Variants in KDM4C observed in about 807,000 individuals in gnomAD.
KDM4C encodes lysine demethylase 4C, also known as lysine-specific demethylase 4C.
Under a neutral mutation model 129.3 loss-of-function variants are expected in KDM4C, and 81 were observed. The ratio of observed to expected loss-of-function variants is 0.63; its 90% CI spans 0.52 to 0.75. The LOEUF (loss-of-function observed/expected upper bound fraction) is 0.75, where lower values mean the gene tolerates loss of function less well. Ranked by LOEUF, KDM4C falls within the 30% of genes least tolerant of loss-of-function variation. The pLI is 0.00. For synonymous variants in KDM4C, 573 were observed against 456.1 expected (o/e 1.26, Z -3.26); for missense variants, 1,457 against 1,304.0 (o/e 1.12, Z -1.81).
rs369094212 is a variant in KDM4C at position 6,826,474 on chromosome 9, T to C, written c.435+11729T>C. Among the ~76,000 whole-genome samples the C allele has an allele frequency of 3.3e-5, 5 of 152,168 alleles. No individual in the cohort carries two copies. The East Asian group carries it at 7.7e-4, about 23-fold the overall frequency. On this transcript the variant is annotated intron_variant, in intron 4 of 21. Transcript: ENST00000381309. ...TCCATAATTGCATATAAAAAAAATT[T>C]TTGTGGTACAATGAACATAGTTTTA... is the stretch of plus-strand genomic sequence containing the variant.
At chr9:6,799,871 A>C (rs1273423584) in intron 2 of KDM4C, among the ~76,000 whole-genome samples, 1 of 151,998 alleles carries the variant, frequency 6.6e-6, no homozygotes, top group Non-Finnish European at 1.5e-5. Context: ...ATTCATATTC[A>C]TATGAATGTA....
intron 1 of KDM4C, among the ~76,000 whole-genome samples, chr9:6,767,956 A>G (rs934019680): frequency 3.3e-5 from 5 of 152,018 alleles, no homozygotes; most frequent in African/African-American, 1.2e-4. Context: ...ATACACACAT[A>G]ATATTTCTTT....
At chr9:6,780,248 G>C (rs1407389384) in intron 1 of KDM4C, among the ~76,000 whole-genome samples, 1 of 151,314 alleles carries the variant, frequency 6.6e-6, no homozygotes, top group Non-Finnish European at 1.5e-5. Context: ...GATTAGCTGT[G>C]AATACAGCGG....
chr9:6,743,361 G>A (rs552954036), intron 1 of KDM4C, among the ~76,000 whole-genome samples: 1 of 152,264 alleles, frequency 6.6e-6, no homozygotes, highest in East Asian at 1.9e-4. Context: ...CACACGGGAG[G>A]TATGAGGCAC....
At chr9:6,879,588 G>A (rs1844125798) in intron 5 of KDM4C, among the ~76,000 whole-genome samples, 1 of 152,104 alleles carries the variant, frequency 6.6e-6, no homozygotes, top group African/African-American at 2.4e-5. Flanking sequence ...TAGAAAGAGA[G>A]CAACCCAGAT....
At chr9:6,862,050 G>C (rs1841033254) in intron 5 of KDM4C, among the ~76,000 whole-genome samples, 1 of 152,130 alleles carries the variant, frequency 6.6e-6, no homozygotes, top group Admixed American at 6.6e-5. Context: ...GGGATTACAG[G>C]TGTGAGCCAA....
chr9:7,037,744 T>C (rs1827895554), intron 15 of KDM4C, among the ~76,000 whole-genome samples: 1 of 152,076 alleles, frequency 6.6e-6, no homozygotes. Flanking sequence ...AGGAAAAAAA[T>C]ATACAGCAGA....
chr9:6,817,879 G>T (rs1588478435), intron 4 of KDM4C, among the ~76,000 whole-genome samples: 1 of 146,648 alleles, frequency 6.8e-6, no homozygotes, highest in South Asian at 2.1e-4. Context: ...CTATTCTCCT[G>T]CCACAGCCTC....
intron 4 of KDM4C, among the ~76,000 whole-genome samples, chr9:6,821,484 T>G (rs1041196654): frequency 5.3e-5 from 8 of 152,106 alleles, no homozygotes; most frequent in Non-Finnish European, 1.2e-4. Context: ...ATGATGAGCA[T>G]TTTTTCTTGT....
chr9:7,147,163 T>C (rs1644429853), intron 19 of KDM4C, among the ~76,000 whole-genome samples: 5 of 152,186 alleles, frequency 3.3e-5, no homozygotes, highest in Admixed American at 3.3e-4. Flanking sequence ...AACCAGGACA[T>C]AAGGTGGTTG....
rs145474043 is a variant in KDM4C at position 6,778,796 on chromosome 9, C to G, written c.-17-14176C>G. ...TGTTACATTTGTGAGATTCGTCTAT[C>G]TAGGTGGAGATTTGGTGCCTTTTTT... On this transcript the variant is annotated intron_variant, in intron 1 of 21. Transcript: ENST00000381309. Among the ~76,000 whole-genome samples, 482 of 144,116 alleles carry G rather than the reference C, an allele frequency of 3.3e-3. 5 individuals carry two copies. Among genetic ancestry groups the G allele is most frequent in the African/African-American group, 0.012 (469 of 38,374 alleles). 94.5% of individuals were successfully genotyped at this position (144,116 alleles called of 152,430 possible).
At chr9:7,113,325 GCACA>G (rs1316113243) in intron 18 of KDM4C, among the ~76,000 whole-genome samples, 7 of 152,176 alleles carry the variant, frequency 4.6e-5, no homozygotes, top group Non-Finnish European at 7.3e-5. Context: ...GGAATATTTA[GCACA>G]GACCTTTTAG....
intron 21 of KDM4C, chr9:7,170,743 T>C: frequency 2.0e-6 from 2 of 982,670 alleles, no homozygotes; most frequent in Non-Finnish European, 2.4e-6. Context: ...TGAGTGCTTA[T>C]GATATACTTG....
At position 6,990,544 on chromosome 9, in the gene KDM4C, T is replaced by A. The variant is rs768180723; in HGVS notation, c.1786+20T>A. On this transcript the variant is annotated intron_variant, in intron 12 of 21. Coordinates refer to ENST00000381309, the MANE Select transcript of KDM4C (RefSeq NM_015061.6). ...ATGAAGGTGAGATGGTGACCCTTTT[T>A]GGGATTTTTTTTTTTTTTTTTGGTG... The A allele has an allele frequency of 7.0e-7, 1 of 1,435,042 alleles. No homozygotes were observed. The highest frequency in any genetic ancestry group is 9.2e-7 in the Non-Finnish European group (1 of 1,088,478). The allele number at this position is 1,435,042 out of a possible 1,614,324, so 88.9% of individuals were successfully genotyped here.
chr9:7,076,440 C>T (rs913675735), intron 17 of KDM4C: 4 of 1,549,300 alleles, frequency 2.6e-6, no homozygotes, highest in East Asian at 2.4e-5. Context: ...TCAGGGAAGG[C>T]TGGGAATCTA....
At chr9:6,904,374 C>T (rs1461006787) in intron 8 of KDM4C, among the ~76,000 whole-genome samples, 1 of 151,412 alleles carries the variant, frequency 6.6e-6, no homozygotes, top group Non-Finnish European at 1.5e-5. Context: ...TGTAGCGTAT[C>T]CCAAAAGAAT....
chr9:6,993,290 CAT>C (rs1316970905), intron 12 of KDM4C, among the ~76,000 whole-genome samples: 1 of 152,142 alleles, frequency 6.6e-6, no homozygotes, highest in East Asian at 1.9e-4. Context: ...ATATATACTA[CAT>C]GTTTATATTT....
rs59151680 is a variant in KDM4C, at chr9:6,801,239, A to ATTTT, written c.145-4331_145-4328dup. 1.4e-3 allele frequency among the ~76,000 whole-genome samples: 90 copies of ATTTT among 65,734 alleles called. 4 individuals carry two copies. Among genetic ancestry groups the ATTTT allele is most frequent in the South Asian group, 2.0e-3 (3 of 1,534 alleles). The allele number at this position is 65,734 out of a possible 152,430, so 43.1% of individuals were successfully genotyped here. ...CATTTTTATGTCCTTGAGTAGGGAA[A>ATTTT]TTTTTTTTTTTTTTTTTTTTTTTTT... On this transcript the variant is annotated intron_variant, in intron 2 of 21. Transcript: ENST00000381309.
At chr9:7,125,589 A>G (rs1336470002) in intron 18 of KDM4C, among the ~76,000 whole-genome samples, 2 of 152,260 alleles carry the variant, frequency 1.3e-5, no homozygotes, top group Admixed American at 6.5e-5. Context: ...TCTGTACACT[A>G]CAAGGTGTTT....
Sources: gnomAD v4.1 joint callset for allele counts (sites outside exome capture counted in the v4.1 genomes callset) on GRCh38, gnomAD v4.1.1 for gene constraint, MANE v1.5 for transcripts, NCBI Gene and HGNC (gene_info 2026-07-23, HGNC 2026-07-21) for gene names.